POLR3B: variants seen among roughly 807,000 people sequenced by gnomAD.
The protein encoded by POLR3B is DNA-directed RNA polymerase III subunit RPC2.
In POLR3B, 96 loss-of-function variants were observed where a neutral mutation model predicts 147.4. The ratio of observed to expected loss-of-function variants is 0.65; its 90% confidence interval spans 0.55 to 0.77. The LOEUF is 0.77. POLR3B is among the 30% of genes least tolerant of loss of function. The pLI is 0.00. For missense variants in POLR3B, 1,036 were observed against 1,413.5 expected (o/e 0.73, Z 4.28); for synonymous variants, 461 against 485.9 (o/e 0.95, Z 0.67).
At chr12:106,428,519 C>G in intron 13 of POLR3B, among the ~76,000 whole-genome samples, 1 of 152,282 alleles carries the variant, frequency 6.6e-6, no homozygotes, top group South Asian at 2.1e-4. Context: ...TCTCGTCTCT[C>G]CCTTTTGTAA....
chr12:106,470,282 C>T (rs953734821), intron 23 of POLR3B, among the ~76,000 whole-genome samples: 1 of 152,036 alleles, frequency 6.6e-6, no homozygotes, highest in Non-Finnish European at 1.5e-5. Context: ...AGTTCTCGTA[C>T]TGTGGTTTTC....
intron 21 of POLR3B, 52 bp downstream of exon 21, chr12:106,457,348 A>G: frequency 7.0e-7 from 1 of 1,429,518 alleles, no homozygotes; most frequent in Non-Finnish European, 9.8e-7. Flanking sequence ...ATCATATGTT[A>G]TTCAATAATA....
At chr12:106,419,532 A>C (rs2037347052) in intron 12 of POLR3B, among the ~76,000 whole-genome samples, 1 of 152,176 alleles carries the variant, frequency 6.6e-6, no homozygotes, top group Non-Finnish European at 1.5e-5. Flanking sequence ...TTTAGCTTAA[A>C]CATACTTCAC....
intron 12 of POLR3B, among the ~76,000 whole-genome samples, chr12:106,421,622 AT>A (rs1489641428): frequency 1.3e-5 from 2 of 151,516 alleles, no homozygotes; most frequent in Non-Finnish European, 2.9e-5. Context: ...ATTTTTGTAT[AT>A]TTTGCTTCCT....
At chr12:106,482,854 T>C (rs953177960) in intron 23 of POLR3B, among the ~76,000 whole-genome samples, 1 of 152,196 alleles carries the variant, frequency 6.6e-6, no homozygotes, top group East Asian at 1.9e-4. Context: ...ATTGGTCTTG[T>C]TGGAAATTGT....
chr12:106,486,271 G>A (rs2038337172), intron 23 of POLR3B, among the ~76,000 whole-genome samples: 1 of 122,106 alleles, frequency 8.2e-6, no homozygotes. Context: ...CCTGGGGTCA[G>A]AGGGAGACTC....
intron 12 of POLR3B, among the ~76,000 whole-genome samples, chr12:106,411,975 C>G (rs11112978): frequency 6.6e-6 from 1 of 152,200 alleles, no homozygotes; most frequent in Non-Finnish European, 1.5e-5. Flanking sequence ...TCATCCATCA[C>G]AAGCCTATTT....
intron 19 of POLR3B, chr12:106,446,203 A>T (rs1203113329): frequency 2.2e-6 from 1 of 455,216 alleles, no homozygotes; most frequent in Middle Eastern, 3.3e-4. Flanking sequence ...TTGTTTCATG[A>T]TGTGAATCCC....
At chr12:106,419,017 G>A (rs183182141) in intron 12 of POLR3B, among the ~76,000 whole-genome samples, 39 of 152,332 alleles carry the variant, frequency 2.6e-4, no homozygotes, top group Non-Finnish European at 4.6e-4. Flanking sequence ...GTGTCTAAGT[G>A]TAAGGGACTA....
Position 106,458,274 on chromosome 12 carries a change from C to T in POLR3B, c.2453-977C>T, listed in dbSNP as rs533891421. ...ATAGCTGGGACCCATAGGCACGTGC[C>T]ACCATGCCTGGATAGTTTTTTGTAT... On this transcript the variant is annotated intron_variant, in intron 21 of 27. Transcript: ENST00000228347. Among the ~76,000 whole-genome samples the T allele has an allele frequency of 1.3e-4, 20 of 152,060 alleles. No individual in the cohort carries two copies. In the South Asian group the frequency reaches 2.1e-3, roughly 16 times the overall value.
chr12:106,449,713 G>A (rs183078483), intron 19 of POLR3B, among the ~76,000 whole-genome samples: 115 of 152,246 alleles, frequency 7.6e-4, no homozygotes, highest in Non-Finnish European at 1.3e-3. Context: ...TGTAGAGGAA[G>A]GGAGAGATTG....
Position 106,366,516 on chromosome 12 carries a change from G to C in POLR3B, c.106G>C (p.Val36Leu), listed in dbSNP as rs763829196. Reference sequence around the variant, plus strand: ...TTACTTTCTCTTTCTATCTGTTTAGGTGAAAGGCCTTGTGAAACAGCATAT... The same window carrying C: ...TTACTTTCTCTTTCTATCTGTTTAGCTGAAAGGCCTTGTGAAACAGCATAT... ...KWRLLPAFLK[V>L]KGLVKQHIDS... Residue 36 changes from valine to leucine, a missense_variant and splice_region_variant, in exon 3 of 28, where the codon GTG becomes CTG. Around this residue, in one of 12 missense-constraint regions of POLR3B, gnomAD observed 150 missense variants for 145.5 expected, o/e 1.03. Coordinates refer to ENST00000228347, the MANE Select transcript of POLR3B (RefSeq NM_018082.6). The C allele has an allele frequency of 6.2e-7, 1 of 1,605,110 alleles. No individual in the cohort carries two copies. The highest frequency in any genetic ancestry group is 2.2e-5 in the East Asian group (1 of 44,798).
chr12:106,409,243 C>T (rs1180953729), intron 11 of POLR3B, among the ~76,000 whole-genome samples: 2 of 151,490 alleles, frequency 1.3e-5, no homozygotes, highest in Admixed American at 6.6e-5. Flanking sequence ...GAGGACCATA[C>T]AGCTTTCGAA....
chr12:106,421,459 A>G (rs898459250), intron 12 of POLR3B, among the ~76,000 whole-genome samples: 1 of 152,132 alleles, frequency 6.6e-6, no homozygotes, highest in Admixed American at 6.6e-5. Flanking sequence ...GTTTTTGTCT[A>G]ATAGATGCAA....
chr12:106,451,537 A>C (rs12309758), intron 19 of POLR3B, among the ~76,000 whole-genome samples: 1 of 148,924 alleles, frequency 6.7e-6, no homozygotes, highest in African/African-American at 2.5e-5. Context: ...CACAAGAATC[A>C]GTTGAACCCA....
chr12:106,427,411 C>A (rs2037454447), intron 13 of POLR3B, 53 bp downstream of exon 13: 3 of 1,472,470 alleles, frequency 2.0e-6, no homozygotes, highest in African/African-American at 1.4e-5. Flanking sequence ...TAAACCTATT[C>A]AATAGAACAG....
At chr12:106,405,595 G>A (rs887398467) in intron 10 of POLR3B, among the ~76,000 whole-genome samples, 3 of 138,054 alleles carry the variant, frequency 2.2e-5, no homozygotes, top group Non-Finnish European at 4.8e-5. Context: ...TATTTTACTT[G>A]TGTCTGTATT....
At position 106,476,805 on chromosome 12, in the gene POLR3B, T is replaced by G. The variant is rs1479950507; in HGVS notation, c.2713+13185T>G. Among the ~76,000 whole-genome samples, 6 of 152,276 alleles carry G rather than the reference T, an allele frequency of 3.9e-5. No individual in the cohort carries two copies. In the East Asian group the frequency reaches 1.2e-3, roughly 29 times the overall value. ...CAAAGTTTTCAACTTTCTTTGCCTT[T>G]GGTTTGAATGTCCTCCCGTAGCTCA... On this transcript the variant is annotated intron_variant, in intron 23 of 27. Transcript: ENST00000228347.
At chr12:106,489,440 G>C (rs1565913289) in intron 23 of POLR3B, among the ~76,000 whole-genome samples, 1 of 152,118 alleles carries the variant, frequency 6.6e-6, no homozygotes, top group Non-Finnish European at 1.5e-5. Flanking sequence ...TCCATTATAA[G>C]GTCACTTGCT....
Sources: allele counts gnomAD v4.1 joint callset (sites outside exome capture counted in the v4.1 genomes callset), GRCh38; gene constraint gnomAD v4.1.1; regional missense constraint gnomAD v4.1.1; transcripts MANE v1.5; gene names NCBI Gene and HGNC (gene_info 2026-07-23, HGNC 2026-07-21).